The following ATG7 variants were observed in gnomAD, a reference collection of about 807,000 sequenced individuals.
ATG7 encodes autophagy related 7.
ATG7 carries 70 observed loss-of-function variants against 82.4 expected under a neutral mutation model. That is an observed-to-expected ratio of 0.85 (90% CI 0.70 to 1.04). The LOEUF (loss-of-function observed/expected upper bound fraction) is 1.04, where lower values mean the gene tolerates loss of function less well. Ranked by LOEUF, ATG7 falls within the 50% of genes least tolerant of loss-of-function variation. The probability of loss-of-function intolerance (pLI) is 0.00; values close to 1 mark genes in which losing one functional copy is unlikely to be tolerated. For synonymous variants in ATG7, 287 were observed against 313.0 expected, an observed-to-expected ratio of 0.92 and a Z score of 0.88; for missense variants, 792 against 864.3, an observed-to-expected ratio of 0.92 and a Z score of 1.05.
chr3:11,509,289 C>T (rs1020350597), intron 20 of ATG7, among the ~76,000 whole-genome samples: 4 of 152,224 alleles, frequency 2.6e-5, no homozygotes, highest in Non-Finnish European at 5.9e-5. Context: ...CCGAGCTGTT[C>T]CCGGCCCAGA....
chr3:11,331,506 T>C, intron 10 of ATG7, 78 bp downstream of exon 10: 1 of 1,207,166 alleles, frequency 8.3e-7, no homozygotes, highest in Non-Finnish European at 1.2e-6. Flanking sequence ...TTTCTATTTG[T>C]ATCTCTGTTT....
At position 11,287,290 on chromosome 3, in the gene ATG7, G is replaced by A. The variant is rs545409773; in HGVS notation, c.-11+4852G>A. Among the ~76,000 whole-genome samples, 3 of 152,244 alleles carry A rather than the reference G, an allele frequency of 2.0e-5. No homozygotes were observed. In the East Asian group the frequency reaches 5.8e-4, roughly 29 times the overall value. ...CTGCCAGGGGAGGAGTATGAGGGGA[G>A]TGAAGACAGGCGAGGCACCTCTGAG... On this transcript the variant is annotated intron_variant, in intron 3 of 20. Transcript: ENST00000693202.
At chr3:11,285,325 T>A (rs930150812) in intron 3 of ATG7, among the ~76,000 whole-genome samples, 3 of 151,678 alleles carry the variant, frequency 2.0e-5, no homozygotes, top group Admixed American at 2.0e-4. Context: ...TAGCTGGGAC[T>A]ACAGGTGCCT....
intron 20 of ATG7, among the ~76,000 whole-genome samples, chr3:11,458,302 T>C (rs1024749680): frequency 4.6e-5 from 7 of 152,116 alleles, no homozygotes; most frequent in African/African-American, 1.7e-4. Flanking sequence ...CTTGCTGTGT[T>C]GCCCAGGATG....
chr3:11,431,388 GGA>G (rs1491560815), intron 20 of ATG7, among the ~76,000 whole-genome samples: 2 of 152,130 alleles, frequency 1.3e-5, no homozygotes, highest in East Asian at 3.9e-4. Flanking sequence ...AAGGGCGGGG[GGA>G]AAAAAACAAC....
chr3:11,437,248 G>A (rs939354793), intron 20 of ATG7, among the ~76,000 whole-genome samples: 83 of 152,082 alleles, frequency 5.5e-4, no homozygotes, highest in African/African-American at 1.9e-3. Flanking sequence ...ATTATGACAA[G>A]GATCTCTTCC....
chr3:11,362,802 T>C lies in ATG7; in HGVS notation c.1684-11T>C. The stretch of plus-strand genomic sequence containing the variant: ...AACGTTCTGCACACACCAATGATTG[T>C]TTCTTTGCAGTCAACCAGAGACCGG... On this transcript the variant is annotated splice_polypyrimidine_tract_variant and intron_variant, in intron 16 of 20. Transcript: ENST00000693202. The C allele has an allele frequency of 6.2e-7, 1 of 1,612,710 alleles. No individual in the cohort carries two copies. The highest frequency in any genetic ancestry group is 8.5e-7 in the Non-Finnish European group (1 of 1,178,978).
intron 20 of ATG7, among the ~76,000 whole-genome samples, chr3:11,466,778 A>G (rs1157268002): frequency 6.6e-6 from 1 of 152,200 alleles, no homozygotes; most frequent in African/African-American, 2.4e-5. Flanking sequence ...CTTGTAGTAC[A>G]CTCATTTGTG....
chr3:11,295,680 T>C (rs886270783), intron 3 of ATG7, among the ~76,000 whole-genome samples: 1 of 152,224 alleles, frequency 6.6e-6, no homozygotes, highest in Non-Finnish European at 1.5e-5. Context: ...CTTCTCAAAG[T>C]TTTTTTACTG....
chr3:11,534,938 C>T (rs2092761897), intron 20 of ATG7, among the ~76,000 whole-genome samples: 1 of 152,258 alleles, frequency 6.6e-6, no homozygotes, highest in African/African-American at 2.4e-5. Flanking sequence ...CCCTTTGTGA[C>T]TTCCTGGCAG....
rs777418359 is a variant in ATG7 at position 11,342,176 on chromosome 3, G to A, written c.1022G>A (p.Cys341Tyr). Reference protein sequence around the residue: ...SSVDLNLKLMCWRLVPTLDLD... With the variant: ...SSVDLNLKLMYWRLVPTLDLD... ...GTGGATCTAAATCTCAAACTGATGTGTTGGAGATTGGTTCCTACTTTAGAC... is the reference window on the plus strand; with the variant it reads ...GTGGATCTAAATCTCAAACTGATGTATTGGAGATTGGTTCCTACTTTAGAC... The change falls in exon 13 of 21, where the codon TGT (cysteine) becomes TAT (tyrosine). Residue 341 changes from cysteine (C) to tyrosine (Y), a missense_variant. Transcript: ENST00000693202. 1.9e-6 allele frequency: 3 copies of A among 1,613,408 alleles called. No individual in the cohort carries two copies. Among genetic ancestry groups the A allele is most frequent in the Non-Finnish European group, 2.5e-6 (3 of 1,179,990 alleles).
At chr3:11,332,084 G>A (rs142904525) in intron 10 of ATG7, among the ~76,000 whole-genome samples, 1 of 152,228 alleles carries the variant, frequency 6.6e-6, no homozygotes, top group Non-Finnish European at 1.5e-5. Context: ...ATACAAGAAT[G>A]TTTACAGAAG....
At chr3:11,364,836 T>G (rs1023863258) in intron 18 of ATG7, 102 bp downstream of exon 18, 4 of 1,219,830 alleles carry the variant, frequency 3.3e-6, no homozygotes, top group Non-Finnish European at 4.7e-6. Context: ...ATATCCACCC[T>G]ACTTACCCTG....
At chr3:11,307,335 T>C (rs1479658325) in intron 6 of ATG7, among the ~76,000 whole-genome samples, 1 of 152,202 alleles carries the variant, frequency 6.6e-6, no homozygotes, top group Non-Finnish European at 1.5e-5. Flanking sequence ...TTGCTGCTCA[T>C]CTCCAGCCAG....
At chr3:11,575,815 T>C in the ATG7 span, among the ~76,000 whole-genome samples, 72 of 152,334 alleles carry the variant, frequency 4.7e-4, no homozygotes, top group Middle Eastern at 6.8e-3. Context: ...GGCCAACCCC[T>C]GCAACTTTCC....
chr3:11,473,006 G>A (rs978455747), intron 20 of ATG7, among the ~76,000 whole-genome samples: 23 of 151,152 alleles, frequency 1.5e-4, no homozygotes, highest in African/African-American at 5.6e-4. Context: ...CTTTTTTTTT[G>A]TAACTAATCA....
chr3:11,367,758 G>T (rs1332553969), intron 18 of ATG7, among the ~76,000 whole-genome samples: 39 of 135,332 alleles, frequency 2.9e-4, no homozygotes, highest in South Asian at 7.1e-4. Context: ...TTTGTTTTGG[G>T]TTTTTTTTTT....
chr3:11,411,863 G>T (rs1324116180), intron 19 of ATG7, among the ~76,000 whole-genome samples: 2 of 152,040 alleles, frequency 1.3e-5, no homozygotes, highest in Admixed American at 1.3e-4. Context: ...TTCCATTTAG[G>T]TCTTTGATCT....
chr3:11,411,903 A>C (rs1270357192), intron 19 of ATG7, among the ~76,000 whole-genome samples: 1 of 151,736 alleles, frequency 6.6e-6, no homozygotes. Context: ...ATATGGTGTT[A>C]GGTGAGAGTC....
Sources: allele counts gnomAD v4.1 joint callset (sites outside exome capture counted in the v4.1 genomes callset), GRCh38; gene constraint gnomAD v4.1.1; transcripts MANE v1.5; gene names NCBI Gene and HGNC (gene_info 2026-07-23, HGNC 2026-07-21).